TTC21B: variants seen among roughly 807,000 people sequenced by gnomAD.
TTC21B encodes the protein tetratricopeptide repeat domain 21B.
Under a neutral mutation model 175.1 loss-of-function variants are expected in TTC21B, and 127 were observed. That is an observed-to-expected ratio of 0.73 (90% CI 0.63 to 0.84). The LOEUF (loss-of-function observed/expected upper bound fraction) is 0.84. Ranked by LOEUF, TTC21B falls within the 40% of genes least tolerant of loss-of-function variation. The pLI is 0.00. For missense variants in TTC21B, 1,561 were observed against 1,558.3 expected, an observed-to-expected ratio of 1.00 and a Z score of -0.03; for synonymous variants, 524 against 524.5, an observed-to-expected ratio of 1.00 and a Z score of 0.01.
At chr2:165,940,946 T>A in intron 6 of TTC21B, 81 bp downstream of exon 6, 2 of 1,520,984 alleles carry the variant, frequency 1.3e-6, no homozygotes, top group Non-Finnish European at 1.8e-6. Context: ...AAAACCCTTA[T>A]GAAAAAAATT....
chr2:165,875,011 T>C (rs888325638), intron 28 of TTC21B, among the ~76,000 whole-genome samples, 179 bp from the exon 29 acceptor site: 1 of 152,218 alleles, frequency 6.6e-6, no homozygotes, highest in African/African-American at 2.4e-5. Context: ...TTTATATTAA[T>C]GGTAGTTAGA....
At chr2:165,920,749 ATATTTAAAATATTT>A (rs1686362436) in intron 12 of TTC21B, among the ~76,000 whole-genome samples, 1 of 149,062 alleles carries the variant, frequency 6.7e-6, no homozygotes, top group African/African-American at 2.6e-5. Flanking sequence ...AGGATACTAA[ATATTTAAAATATTT>A]TGAAATATTT....
Position 165,953,462 on chromosome 2 carries a change from G to A in TTC21B, c.21+223C>T, listed in dbSNP as rs140485820. Reference sequence around the variant, plus strand: ...TGGGGACCAGCAATTCAGAAACACCGAGCGGGCGGGCTGCCCAGACCTGGG... The same window carrying A: ...TGGGGACCAGCAATTCAGAAACACCAAGCGGGCGGGCTGCCCAGACCTGGG... On this transcript the variant is annotated intron_variant, in intron 1 of 28. Coordinates refer to ENST00000243344, the MANE Select transcript of TTC21B (RefSeq NM_024753.5). Among the ~76,000 whole-genome samples the A allele has an allele frequency of 5.9e-3, 900 of 152,312 alleles. 7 individuals are homozygous for A. The highest frequency in any genetic ancestry group is 9.8e-3 in the Non-Finnish European group (664 of 68,026).
In TTC21B at chr2:165,945,721, T is replaced by C. The variant is rs755699698; in HGVS notation, c.263-31A>G. ...AGGGGAAAATGATATTAAATAAAAATTAAATTCTGGATCAGGTATTTATAA... is the reference window on the plus strand; with the variant it reads ...AGGGGAAAATGATATTAAATAAAAACTAAATTCTGGATCAGGTATTTATAA... On this transcript the variant is annotated intron_variant, in intron 3 of 28. Coordinates refer to ENST00000243344, the MANE Select transcript of TTC21B (RefSeq NM_024753.5). The C allele has an allele frequency of 6.2e-6, 10 of 1,603,826 alleles. No individual in the cohort carries two copies. The Admixed American group carries it at 1.3e-4, about 22-fold the overall frequency.
intron 24 of TTC21B, among the ~76,000 whole-genome samples, chr2:165,888,840 A>G (rs1290313770): frequency 6.6e-6 from 1 of 152,222 alleles, no homozygotes; most frequent in African/African-American, 2.4e-5. Flanking sequence ...AGTGAAAGGA[A>G]AGGAAAAAAG....
chr2:165,923,176 T>C (rs990934936), intron 12 of TTC21B, among the ~76,000 whole-genome samples: 3 of 152,026 alleles, frequency 2.0e-5, no homozygotes, highest in African/African-American at 7.3e-5. Flanking sequence ...AATTCCAGAC[T>C]TCAGCACTAT....
At chr2:165,893,967 T>C (rs1412141380) in intron 22 of TTC21B, among the ~76,000 whole-genome samples, 2 of 152,220 alleles carry the variant, frequency 1.3e-5, no homozygotes, top group East Asian at 1.9e-4. Context: ...TTTTAGACTT[T>C]ATCCTGAAGC....
chr2:165,930,063 A>G, intron 9 of TTC21B, 109 bp downstream of exon 9: 1 of 1,059,366 alleles, frequency 9.4e-7, no homozygotes, highest in Non-Finnish European at 1.4e-6. Flanking sequence ...GTAGAGAACA[A>G]TTTAAGTTTA....
intron 5 of TTC21B, 66 bp from the exon 6 acceptor site, chr2:165,941,250 G>T: frequency 6.4e-7 from 1 of 1,555,856 alleles, no homozygotes; most frequent in Non-Finnish European, 8.9e-7. Flanking sequence ...TCATAACGCA[G>T]AGCAGGCAGA....
chr2:165,892,659 T>C (rs1196883951), intron 22 of TTC21B, among the ~76,000 whole-genome samples: 1 of 143,932 alleles, frequency 6.9e-6, no homozygotes, highest in African/African-American at 2.5e-5. Context: ...CAGAGGTGCC[T>C]AGAATAAATT....
intron 9 of TTC21B, among the ~76,000 whole-genome samples, 153 bp downstream of exon 9, chr2:165,930,019 A>T (rs1686827657): frequency 7.3e-6 from 1 of 137,510 alleles, no homozygotes. Context: ...GTGAATTAAA[A>T]ATTTTAAAGA....
At position 165,949,475 on chromosome 2, in the gene TTC21B, C is replaced by G. The variant is rs1291285207; in HGVS notation, c.181G>C (p.Glu61Gln). Residue 61 changes from glutamate to glutamine, a missense_variant, in exon 3 of 29, where the codon GAG becomes CAG. Coordinates refer to ENST00000243344, the MANE Select transcript of TTC21B (RefSeq NM_024753.5). ...ACATCTTGTTTATTTTTAATAGCCT[C>G]AAATTCTCGAAGAGCTTCTTGAGTT... ...GKTQEALREF[E>Q]AIKNKQDVSL... 6.2e-7 allele frequency: 1 copy of G among 1,613,832 alleles called. No individual in the cohort carries two copies.
chr2:165,945,790 AG>A, intron 3 of TTC21B, 100 bp from the exon 4 acceptor site: 4 of 1,150,766 alleles, frequency 3.5e-6, no homozygotes, highest in Non-Finnish European at 4.9e-6. Context: ...TTCTCTCTAT[AG>A]TGGTACTGTC....
chr2:165,914,682 T>TGTGTGTGTGCGCGCGCGCGCGC (rs1553511394), intron 15 of TTC21B, among the ~76,000 whole-genome samples: 2 of 149,760 alleles, frequency 1.3e-5, no homozygotes, highest in African/African-American at 5.0e-5. Flanking sequence ...TGTGTGTGTG[T>TGTGTGTGTGCGCGCGCGCGCGC]GTGTGTGTGT....
chr2:165,901,781 A>G lies in TTC21B; in HGVS notation c.2698T>C (p.Tyr900His), dbSNP rs1336338964. The G allele has an allele frequency of 2.5e-6, 4 of 1,614,136 alleles. No homozygotes were observed. Among genetic ancestry groups the G allele is most frequent in the Non-Finnish European group, 3.4e-6 (4 of 1,180,002 alleles). The change falls in exon 20 of 29, where the codon TAT becomes CAT. Residue 900 changes from tyrosine to histidine, a missense_variant. Coordinates refer to ENST00000243344, the MANE Select transcript of TTC21B (RefSeq NM_024753.5). ...CTATAAAACTTAATTGCTTTTTCAT[A>G]GTCTCGCTGAGCAACAGAATGTTTT... Reference protein sequence around the residue: ...IAKHSVAQRDYEKAIKFYREA... With the variant: ...IAKHSVAQRDHEKAIKFYREA...
intron 11 of TTC21B, among the ~76,000 whole-genome samples, chr2:165,927,262 CCT>C (rs2105339944): frequency 4.2e-5 from 2 of 47,132 alleles, no homozygotes; most frequent in East Asian, 4.6e-4. Flanking sequence ...ATATATATAT[CCT>C]AGTAGTTATA....
intron 25 of TTC21B, among the ~76,000 whole-genome samples, chr2:165,887,412 G>GT (rs1292161824): frequency 0.016 from 2 of 126 alleles, no homozygotes; most frequent in Non-Finnish European, 0.033. Context: ...TGTGAGGGAA[G>GT]GAAAACAGTA....
At chr2:165,934,776 T>C (rs1025206752) in intron 6 of TTC21B, 1 of 148,922 alleles carries the variant, frequency 6.7e-6, no homozygotes, top group Admixed American at 6.7e-5. Flanking sequence ...ATGGCCAGAA[T>C]TGGTGAGGAT....
At chr2:165,926,991 C>CATATATATATATAT (rs367965246) in intron 11 of TTC21B, among the ~76,000 whole-genome samples, 220 of 14,620 alleles carry the variant, frequency 0.015, 49 homozygotes, top group Non-Finnish European at 0.025. Flanking sequence ...TATAAACTCC[C>CATATATATATATAT]ATATATATAT....
Sources: gnomAD v4.1 joint callset for allele counts (sites outside exome capture counted in the v4.1 genomes callset) on GRCh38, gnomAD v4.1.1 for gene constraint, MANE v1.5 for transcripts, NCBI Gene and HGNC (gene_info 2026-07-23, HGNC 2026-07-21) for gene names.